Variants in KATNAL2 observed in about 807,000 individuals in gnomAD.
KATNAL2 encodes the protein katanin p60 ATPase-containing subunit A-like 2.
In KATNAL2, 52 loss-of-function variants were observed where a neutral mutation model predicts 76.3. That is an observed-to-expected ratio of 0.68 (90% CI 0.55 to 0.86). KATNAL2 has a LOEUF of 0.86. Among genes scored for constraint, KATNAL2 ranks in the 40% least tolerant of loss-of-function variants. The pLI, the probability that KATNAL2 is intolerant of heterozygous loss-of-function variation, is 0.00. For missense variants in KATNAL2, 660 were observed against 668.9 expected, an observed-to-expected ratio of 0.99 and a Z score of 0.15; for synonymous variants, 243 against 244.2, an observed-to-expected ratio of 1.00 and a Z score of 0.05.
In KATNAL2 at chr18:47,074,229, T is replaced by C. The variant is rs543449561; in HGVS notation, c.1009-1048T>C. Reference sequence around the variant, plus strand: ...GTTGTTCCTATAAAACAGGATTCTGTAAAAGGGAGATGCTGGTGCATGCGC... The same window carrying C: ...GTTGTTCCTATAAAACAGGATTCTGCAAAAGGGAGATGCTGGTGCATGCGC... On this transcript the variant is annotated intron_variant, in intron 13 of 17. Transcript: ENST00000683218. Among the ~76,000 whole-genome samples, 97 of 152,258 alleles carry C rather than the reference T, an allele frequency of 6.4e-4. 2 individuals carry two copies. Among genetic ancestry groups the C allele is most frequent in the Admixed American group, 4.1e-3 (63 of 15,290 alleles).
rs1294179407 is a variant in KATNAL2 at position 47,100,256 on chromosome 18, G to T, written c.1377G>T (p.Glu459Asp). 3 of 1,613,704 alleles carry T rather than the reference G, an allele frequency of 1.9e-6. No individual in the cohort carries two copies. Among genetic ancestry groups the T allele is most frequent in the South Asian group, 1.1e-5 (1 of 91,056 alleles). Residue 459 changes from glutamate to aspartate, a missense_variant and splice_region_variant, in exon 17 of 18, where the codon GAG becomes GAT. Glu to Asp is a conservative substitution (Grantham distance 45). Coordinates refer to ENST00000683218, the MANE Select transcript of KATNAL2 (RefSeq NM_001387690.1). ...TELEYSVLSQ[E>D]TEGYSGSDIK... is the part of the protein sequence containing the mutation. Reference sequence around the variant, plus strand: ...GGCTGGTTTTTTGGCTGTTTCAGGAGACTGAGGGCTACTCAGGCTCAGATA... The same window carrying T: ...GGCTGGTTTTTTGGCTGTTTCAGGATACTGAGGGCTACTCAGGCTCAGATA...
At position 47,101,056 on chromosome 18, in the gene KATNAL2, GTTTA is replaced by G. The variant is rs2063432000; in HGVS notation, c.*54_*57del. 1.3e-6 allele frequency: 2 copies of G among 1,593,750 alleles called. No homozygotes were observed. Among genetic ancestry groups the G allele is most frequent in the South Asian group, 1.1e-5 (1 of 90,384 alleles). ...CAAAGGCAACCACAAAGACCTCCTA[GTTTA>G]TTAATGTCCGTGGGAGAACAAAATG... On this transcript the variant is annotated 3_prime_UTR_variant, in exon 18 of 18. Coordinates refer to ENST00000683218, the MANE Select transcript of KATNAL2 (RefSeq NM_001387690.1).
intron 15 of KATNAL2, among the ~76,000 whole-genome samples, chr18:47,085,937 T>TA (rs1416426643): frequency 1.3e-5 from 2 of 151,738 alleles, no homozygotes; most frequent in Admixed American, 1.3e-4. Context: ...AAAAAATTGT[T>TA]AAAAAATCAG....
At chr18:47,076,145 C>G (rs2062210488) in intron 14 of KATNAL2, 1 of 152,154 alleles carries the variant, frequency 6.6e-6, no homozygotes, top group South Asian at 2.1e-4. Flanking sequence ...AATGGACTAT[C>G]ATCAAGGCAG....
intron 13 of KATNAL2, among the ~76,000 whole-genome samples, chr18:47,074,185 A>AG (rs1232781401): frequency 1.3e-5 from 2 of 152,226 alleles, no homozygotes; most frequent in Non-Finnish European, 2.9e-5. Context: ...TTGTTCTCTC[A>AG]GTTCATTAAA....
intron 10 of KATNAL2, among the ~76,000 whole-genome samples, chr18:47,065,220 G>A (rs1213336893): frequency 6.6e-6 from 1 of 152,172 alleles, no homozygotes; most frequent in Non-Finnish European, 1.5e-5. Context: ...AGCACTTTGG[G>A]AGACTGAGAT....
intron 3 of KATNAL2, among the ~76,000 whole-genome samples, chr18:47,044,172 A>G (rs925482985): frequency 1.3e-5 from 2 of 152,198 alleles, no homozygotes; most frequent in African/African-American, 4.8e-5. Flanking sequence ...GGCCACACAT[A>G]AAATACACTA....
intron 15 of KATNAL2, among the ~76,000 whole-genome samples, chr18:47,091,574 G>A (rs2063000798): frequency 6.6e-6 from 1 of 152,144 alleles, no homozygotes; most frequent in Non-Finnish European, 1.5e-5. Context: ...CCTTGTATAT[G>A]ATTATTGATG....
intron 11 of KATNAL2, among the ~76,000 whole-genome samples, 196 bp downstream of exon 11, chr18:47,067,315 A>G (rs971242608): frequency 4.6e-5 from 7 of 152,152 alleles, no homozygotes. Flanking sequence ...ATCATATTAC[A>G]TATTAGTTCA....
At chr18:47,052,674 A>C (rs551786211) in intron 4 of KATNAL2, among the ~76,000 whole-genome samples, 1 of 152,362 alleles carries the variant, frequency 6.6e-6, no homozygotes, top group East Asian at 1.9e-4. Context: ...TTTCAAAGGC[A>C]ACTGCTTTGA....
At chr18:46,932,494 G>T (rs2058957877) in intron 1 of KATNAL2, among the ~76,000 whole-genome samples, 2 of 151,314 alleles carry the variant, frequency 1.3e-5, no homozygotes, top group South Asian at 4.2e-4. Flanking sequence ...GGCCAATGTG[G>T]TGAAACACTG....
At chr18:47,058,421 A>T in intron 7 of KATNAL2, 69 bp downstream of exon 7, 1 of 881,272 alleles carries the variant, frequency 1.1e-6, no homozygotes, top group Non-Finnish European at 1.8e-6. Flanking sequence ...GAAAAAGGTC[A>T]CATTTATTTA....
intron 3 of KATNAL2, among the ~76,000 whole-genome samples, chr18:47,035,912 C>A (rs2060754372): frequency 6.6e-6 from 1 of 152,156 alleles, no homozygotes; most frequent in African/African-American, 2.4e-5. Flanking sequence ...TTGCCTAGGA[C>A]TGATGTTGTG....
intron 3 of KATNAL2, among the ~76,000 whole-genome samples, chr18:47,031,853 A>G (rs531414806): frequency 1.3e-5 from 2 of 152,280 alleles, no homozygotes; most frequent in East Asian, 3.9e-4. Flanking sequence ...TCTTCCTGAA[A>G]TGCAGTATCC....
rs1467987509 is a variant in KATNAL2, at chr18:47,075,354, A to G, written c.1086A>G (p.Arg362=). The change falls in exon 14 of 18, where the codon AGA becomes AGG. Residue 362 remains arginine (R), a synonymous_variant. Coordinates refer to ENST00000683218, the MANE Select transcript of KATNAL2 (RefSeq NM_001387690.1). ...LDELESVMSQ[R]GTASGGEHEG... is the part of the protein sequence containing the mutation. ...AGCTGGAGTCGGTGATGAGTCAGAG[A>G]GGCACAGCTTCTGGGTAACAGACAG... The G allele has an allele frequency of 1.3e-6, 2 of 1,541,400 alleles. No individual in the cohort carries two copies. The highest frequency in any genetic ancestry group is 2.5e-5 in the East Asian group (1 of 39,302).
intron 3 of KATNAL2, chr18:47,032,868 C>A (rs1008357275): frequency 8.1e-5 from 125 of 1,543,570 alleles, no homozygotes; most frequent in Non-Finnish European, 1.1e-4. Context: ...CACATGACAC[C>A]TGCAGAATTC....
At chr18:47,037,439 C>T (rs1383674729) in intron 3 of KATNAL2, among the ~76,000 whole-genome samples, 1 of 152,150 alleles carries the variant, frequency 6.6e-6, no homozygotes, top group East Asian at 1.9e-4. Flanking sequence ...TTTCTTTGTA[C>T]ACAGAAATTA....
At chr18:47,064,923 A>C (rs937084916) in intron 10 of KATNAL2, among the ~76,000 whole-genome samples, 7 of 152,192 alleles carry the variant, frequency 4.6e-5, no homozygotes, top group Non-Finnish European at 8.8e-5. Flanking sequence ...TGTGGAACTC[A>C]ACTCTAGAAG....
intron 15 of KATNAL2, among the ~76,000 whole-genome samples, chr18:47,090,871 A>G (rs1316122689): frequency 6.6e-6 from 1 of 152,190 alleles, no homozygotes; most frequent in East Asian, 1.9e-4. Flanking sequence ...TGGAAGACAA[A>G]GTACCCTTCA....
Sources: allele counts gnomAD v4.1 joint callset (sites outside exome capture counted in the v4.1 genomes callset), GRCh38; gene constraint gnomAD v4.1.1; transcripts MANE v1.5; gene names NCBI Gene and HGNC (gene_info 2026-07-23, HGNC 2026-07-21).